The following FARP1 variants were observed in gnomAD, a reference collection of about 807,000 sequenced individuals.
FARP1 encodes the protein FERM, ARHGEF and pleckstrin domain-containing protein 1.
A neutral mutation model predicts 128.8 loss-of-function variants in FARP1; 52 were observed. The ratio of observed to expected loss-of-function variants is 0.40; its 90% CI spans 0.32 to 0.51. The LOEUF (loss-of-function observed/expected upper bound fraction) is 0.51, where lower values mean the gene tolerates loss of function less well. FARP1 is among the 20% of genes least tolerant of loss of function. The pLI, the probability that FARP1 is intolerant of heterozygous loss-of-function variation, is 0.45. For synonymous variants in FARP1, 580 were observed against 551.8 expected (o/e 1.05, Z -0.72); for missense variants, 1,333 against 1,367.9 (o/e 0.97, Z 0.40).
chr13:98,255,836 T>C (rs554921655), intron 2 of FARP1, among the ~76,000 whole-genome samples: 2 of 152,200 alleles, frequency 1.3e-5, no homozygotes, highest in Non-Finnish European at 2.9e-5. Flanking sequence ...GCAGAGCTCA[T>C]GTGGGAAGTT....
intron 2 of FARP1, among the ~76,000 whole-genome samples, chr13:98,259,991 T>C (rs1411922943): frequency 6.6e-6 from 1 of 151,000 alleles, no homozygotes; most frequent in Non-Finnish European, 1.5e-5. Context: ...GGAATCGGAA[T>C]AATTGATTCT....
intron 6 of FARP1, among the ~76,000 whole-genome samples, chr13:98,382,789 C>T (rs139090543): frequency 1.2e-4 from 19 of 152,152 alleles, no homozygotes; most frequent in East Asian, 7.7e-4. Context: ...TTTAGTGCCA[C>T]GCTTTTCGCA....
intron 1 of FARP1, among the ~76,000 whole-genome samples, chr13:98,180,382 T>C (rs1296852786): frequency 6.6e-6 from 1 of 152,046 alleles, no homozygotes; most frequent in African/African-American, 2.4e-5. Flanking sequence ...ACCCCCATGA[T>C]CCAGTCACCT....
At position 98,176,080 on chromosome 13, in the gene FARP1, TG is replaced by T; in HGVS notation, c.-24+32591del. ...ATTCTTTTGGTTACATACTCAGGCA[TG>T]GGATTGCAGGAAGACTGTCATCTCT... On this transcript the variant is annotated intron_variant, in intron 1 of 26. Transcript: ENST00000319562. This position sits in a 1 kb window ranked among gnomAD's most constrained non-coding sequence, Gnocchi z 6.2. The T allele has an allele frequency of 7.5e-6, 9 of 1,195,120 alleles. No homozygotes were observed. Among genetic ancestry groups the T allele is most frequent in the Non-Finnish European group, 1.1e-5 (9 of 811,126 alleles). The allele number at this position is 1,195,120 out of a possible 1,614,324, so 74.0% of individuals were successfully genotyped here.
At chr13:98,307,705 C>T (rs1247605836) in intron 2 of FARP1, among the ~76,000 whole-genome samples, 2 of 152,186 alleles carry the variant, frequency 1.3e-5, no homozygotes, top group African/African-American at 4.8e-5. Flanking sequence ...ATCTCTGACT[C>T]TGCTGCTTTG....
At chr13:98,360,090 CTTTTTTT>C (rs55859311) in intron 3 of FARP1, among the ~76,000 whole-genome samples, 400 of 104,552 alleles carry the variant, frequency 3.8e-3, no homozygotes, top group South Asian at 5.5e-3. Context: ...GATTGTGTTG[CTTTTTTT>C]TTTTTTTTTT....
At position 98,440,804 on chromosome 13, in the gene FARP1, G is replaced by A. The variant is rs749424604; in HGVS notation, c.2764G>A (p.Val922Ile). 5.0e-6 allele frequency: 8 copies of A among 1,611,578 alleles called. No individual in the cohort carries two copies. Among genetic ancestry groups the A allele is most frequent in the Admixed American group, 3.3e-5 (2 of 59,832 alleles). The change falls in exon 24 of 27, where the codon GTC becomes ATC. Residue 922 changes from valine (V) to isoleucine (I), a missense_variant. Coordinates refer to ENST00000319562, the MANE Select transcript of FARP1 (RefSeq NM_005766.4). ...CGTGTGCTGGCACCGCAACACCAGC[G>A]TCTCCATGGTGGACTTCAGCATCGC... ...VHVCWHRNTS[V>I]SMVDFSIAVE...
At chr13:98,380,889 A>G (rs575623533) in intron 6 of FARP1, among the ~76,000 whole-genome samples, 1 of 152,116 alleles carries the variant, frequency 6.6e-6, no homozygotes, top group Non-Finnish European at 1.5e-5. Flanking sequence ...AATATGTATA[A>G]TTTTTATTTT....
At position 98,451,131 on chromosome 13, in the gene FARP1, G is replaced by C. The variant is rs1893170234; in HGVS notation, c.*2814G>C. On this transcript the variant is annotated 3_prime_UTR_variant, in exon 27 of 27. Coordinates refer to ENST00000319562, the MANE Select transcript of FARP1 (RefSeq NM_005766.4). ...GAGACTGGCTTCAGTGCTAAAAACT[G>C]TGATGTCATTGTCCATTTGTAAATC... The C allele has an allele frequency of 6.6e-6, 1 of 152,158 alleles. No homozygotes were observed. The highest frequency in any genetic ancestry group is 1.5e-5 in the Non-Finnish European group (1 of 68,038). 9.4% of individuals were successfully genotyped at this position (152,158 alleles called of 1,614,324 possible). A position where few individuals can be genotyped will look rare whatever the true frequency, so the allele number is the denominator to read the frequency against.
chr13:98,185,646 GTTT>G (rs5806052), intron 1 of FARP1, among the ~76,000 whole-genome samples: 3 of 145,374 alleles, frequency 2.1e-5, no homozygotes, highest in African/African-American at 5.0e-5. Flanking sequence ...CTGATAATTA[GTTT>G]TTTTTTTTTT....
intron 2 of FARP1, among the ~76,000 whole-genome samples, chr13:98,321,037 GAAC>G (rs1448881449): frequency 6.6e-6 from 1 of 152,202 alleles, no homozygotes; most frequent in African/African-American, 2.4e-5. Flanking sequence ...TATGGAAGAA[GAAC>G]GTGATGGTAA....
intron 13 of FARP1, chr13:98,404,951 T>C (rs1262705428): frequency 6.6e-6 from 1 of 152,234 alleles, no homozygotes; most frequent in African/African-American, 2.4e-5. Flanking sequence ...ATAATACCTA[T>C]GTGGTTAAAA....
At chr13:98,267,364 G>A (rs1048019954) in intron 2 of FARP1, among the ~76,000 whole-genome samples, 4 of 152,148 alleles carry the variant, frequency 2.6e-5, no homozygotes, top group African/African-American at 7.2e-5. Flanking sequence ...TGTCGGCCGA[G>A]CCCATTTTCC....
At chr13:98,281,780 T>G (rs1884947825) in intron 2 of FARP1, among the ~76,000 whole-genome samples, 1 of 152,228 alleles carries the variant, frequency 6.6e-6, no homozygotes, top group Non-Finnish European at 1.5e-5. Context: ...TTCCAAGAAT[T>G]ATCTGGTACC....
At chr13:98,420,917 A>G (rs1891569698) in intron 16 of FARP1, among the ~76,000 whole-genome samples, 1 of 152,272 alleles carries the variant, frequency 6.6e-6, no homozygotes, top group East Asian at 1.9e-4. Flanking sequence ...CTAGATGGGC[A>G]GCAGGAATTT....
intron 2 of FARP1, among the ~76,000 whole-genome samples, chr13:98,305,955 A>G (rs533378323): frequency 2.0e-5 from 3 of 151,908 alleles, no homozygotes; most frequent in African/African-American, 4.8e-5. Context: ...TCACTGGGAG[A>G]CAAGGAGGCA....
At position 98,350,451 on chromosome 13, in the gene FARP1, C is replaced by T. The variant is rs1232902310; in HGVS notation, c.276+6585C>T. ...TTACTGACACTGTGCCTTCGTGTGG[C>T]ATGTGTGTCCTCGCTGATGGGCCAG... On this transcript the variant is annotated intron_variant, in intron 3 of 26. Coordinates refer to ENST00000319562, the MANE Select transcript of FARP1 (RefSeq NM_005766.4). Among the ~76,000 whole-genome samples, 3 of 152,194 alleles carry T rather than the reference C, an allele frequency of 2.0e-5. No homozygotes were observed. The East Asian group carries it at 5.8e-4, about 29-fold the overall frequency.
intron 2 of FARP1, among the ~76,000 whole-genome samples, chr13:98,219,559 C>T (rs751223334): frequency 6.6e-6 from 1 of 152,068 alleles, no homozygotes; most frequent in Non-Finnish European, 1.5e-5. Context: ...CAGTCTGGAA[C>T]TCCTGGTCAA....
intron 2 of FARP1, among the ~76,000 whole-genome samples, chr13:98,247,240 CA>C (rs979111898): frequency 1.3e-5 from 2 of 150,274 alleles, no homozygotes; most frequent in Admixed American, 6.6e-5. Flanking sequence ...ACTCTGTCTC[CA>C]AAAAAAAAGT....
Sources: allele counts gnomAD v4.1 joint callset (sites outside exome capture counted in the v4.1 genomes callset), GRCh38; gene constraint gnomAD v4.1.1; non-coding constraint Gnocchi (gnomAD v3.1); transcripts MANE v1.5; gene names NCBI Gene and HGNC (gene_info 2026-07-23, HGNC 2026-07-21).